Variants in STK33 observed in about 807,000 individuals in gnomAD.
The protein encoded by STK33 is serine/threonine kinase 33.
STK33 carries 52 observed loss-of-function variants against 58.0 expected under a neutral mutation model. The observed-to-expected ratio is 0.90, with a 90% CI of 0.72 to 1.13. STK33 has a LOEUF of 1.13. STK33 is among the 50% of genes most tolerant of loss of function. The pLI, the probability that STK33 is intolerant of heterozygous loss-of-function variation, is 0.00. For missense variants in STK33, 630 were observed against 604.2 expected (o/e 1.04, Z -0.45); for synonymous variants, 215 against 200.1 (o/e 1.07, Z -0.63).
chr11:8,402,305 G>C (rs1306552151), intron 15 of STK33, among the ~76,000 whole-genome samples: 6 of 152,200 alleles, frequency 3.9e-5, no homozygotes, highest in Non-Finnish European at 8.8e-5. Flanking sequence ...ATGAGTTCAT[G>C]TCCTTTGTAG....
At chr11:8,413,190 C>T (rs757324554) in intron 15 of STK33, among the ~76,000 whole-genome samples, 3 of 152,128 alleles carry the variant, frequency 2.0e-5, no homozygotes, top group East Asian at 1.9e-4. Flanking sequence ...CACGCTACAA[C>T]GTCAGAGATG....
chr11:8,558,190 TTAAC>T (rs1015015929), intron 1 of STK33, among the ~76,000 whole-genome samples: 11 of 152,202 alleles, frequency 7.2e-5, no homozygotes, highest in Admixed American at 2.6e-4. Context: ...AGGGAGCTGT[TTAAC>T]TATTGCAAAT....
chr11:8,503,270 T>C (rs1399155429), intron 1 of STK33, among the ~76,000 whole-genome samples: 1 of 152,148 alleles, frequency 6.6e-6, no homozygotes, highest in Non-Finnish European at 1.5e-5. Context: ...ACATACACCA[T>C]GGAATACTAC....
intron 1 of STK33, among the ~76,000 whole-genome samples, chr11:8,483,431 A>G (rs993728558): frequency 1.3e-5 from 2 of 152,202 alleles, no homozygotes; most frequent in African/African-American, 4.8e-5. Context: ...GAATAGGCAC[A>G]AAAGATGGAT....
At chr11:8,542,546 A>G in intron 1 of STK33, among the ~76,000 whole-genome samples, 2 of 152,290 alleles carry the variant, frequency 1.3e-5, no homozygotes, top group South Asian at 4.1e-4. Flanking sequence ...GCTGCAAAAC[A>G]TCCAAAATGC....
At chr11:8,500,583 C>G (rs1356111963) in intron 1 of STK33, among the ~76,000 whole-genome samples, 1 of 152,160 alleles carries the variant, frequency 6.6e-6, no homozygotes, top group Non-Finnish European at 1.5e-5. Context: ...TACATTTTGT[C>G]TTCATGTATT....
chr11:8,441,794 TC>T (rs1944778575), intron 11 of STK33, among the ~76,000 whole-genome samples: 1 of 152,206 alleles, frequency 6.6e-6, no homozygotes, highest in Non-Finnish European at 1.5e-5. Context: ...TGTATATATT[TC>T]AATAGAACTT....
chr11:8,340,541 T>G, the STK33 span, among the ~76,000 whole-genome samples: 2 of 152,192 alleles, frequency 1.3e-5, no homozygotes, highest in African/African-American at 4.8e-5. Context: ...CCTCTTCCCT[T>G]TTTTTCCAGC....
intron 7 of STK33, 51 bp downstream of exon 7, chr11:8,464,658 C>T (rs773159185): frequency 3.7e-6 from 5 of 1,355,102 alleles, no homozygotes; most frequent in Non-Finnish European, 5.3e-6. Flanking sequence ...TGTCCACACC[C>T]ACCCTGCACT....
intron 1 of STK33, among the ~76,000 whole-genome samples, chr11:8,521,197 C>A (rs1953397137): frequency 6.6e-6 from 1 of 152,060 alleles, no homozygotes; most frequent in African/African-American, 2.4e-5. Flanking sequence ...AAGAACAAAG[C>A]TGGAGGCATC....
chr11:8,349,025 C>G, the STK33 span, among the ~76,000 whole-genome samples: 3 of 152,218 alleles, frequency 2.0e-5, no homozygotes, highest in African/African-American at 7.2e-5. Flanking sequence ...AGGCTGGCTC[C>G]GTGCCCAGCT....
Position 8,435,484 on chromosome 11 carries a change from T to C in STK33, c.1146+10A>G. On this transcript the variant is annotated intron_variant, in intron 14 of 15. Transcript: ENST00000687296. ...CATGTCAGAAAGAAAAAAGTAATAT[T>C]GTAACTTACTGTTAACCACTGGTTA... The C allele has an allele frequency of 4.4e-6, 6 of 1,379,000 alleles. No individual in the cohort carries two copies. Among genetic ancestry groups the C allele is most frequent in the Non-Finnish European group, 4.8e-6 (5 of 1,039,138 alleles). 85.4% of individuals were successfully genotyped at this position (1,379,000 alleles called of 1,614,324 possible). A position where few individuals can be genotyped will look rare whatever the true frequency, so the allele number is the denominator to read the frequency against.
chr11:8,346,885 G>A, the STK33 span, among the ~76,000 whole-genome samples: 1 of 152,310 alleles, frequency 6.6e-6, no homozygotes, highest in South Asian at 2.1e-4. Flanking sequence ...ATTGAGTTTG[G>A]CAGGCACAAA....
At chr11:8,501,601 A>C (rs117468168) in intron 1 of STK33, among the ~76,000 whole-genome samples, 17 of 152,306 alleles carry the variant, frequency 1.1e-4, no homozygotes, top group Admixed American at 3.3e-4. Context: ...TGCTGGTGGG[A>C]ATGTAAAATG....
intron 10 of STK33, among the ~76,000 whole-genome samples, chr11:8,453,685 CA>C (rs1029095740): frequency 3.9e-5 from 6 of 152,210 alleles, no homozygotes; most frequent in African/African-American, 1.2e-4. Context: ...GGCAGAAAAA[CA>C]GACACATTTA....
At chr11:8,493,080 C>A (rs2138768529) in intron 1 of STK33, among the ~76,000 whole-genome samples, 1 of 151,934 alleles carries the variant, frequency 6.6e-6, no homozygotes, top group Non-Finnish European at 1.5e-5. Context: ...TAGCAGAAGG[C>A]AAGAAATAAC....
rs560643205 is a variant in STK33 at position 8,514,893 on chromosome 11, T to A, written c.-465-34279A>T. Reference sequence around the variant, plus strand: ...ACTGAGGCTCCAAACATTAAAGTTATCAGATAGAGACTCTAACTATCAAAG... The same window carrying A: ...ACTGAGGCTCCAAACATTAAAGTTAACAGATAGAGACTCTAACTATCAAAG... On this transcript the variant is annotated intron_variant, in intron 1 of 15. Coordinates refer to ENST00000687296, the MANE Select transcript of STK33 (RefSeq NM_001352389.2). 3.3e-5 allele frequency among the ~76,000 whole-genome samples: 5 copies of A among 152,256 alleles called. No homozygotes were observed. The South Asian group carries it at 1.0e-3, about 32-fold the overall frequency.
chr11:8,577,392 TAA>T (rs1958266201), intron 1 of STK33, among the ~76,000 whole-genome samples: 1 of 152,076 alleles, frequency 6.6e-6, no homozygotes, highest in East Asian at 1.9e-4. Context: ...CAAACAAAAC[TAA>T]GTCTTAACTC....
intron 1 of STK33, among the ~76,000 whole-genome samples, chr11:8,571,694 G>A (rs1158995807): frequency 2.6e-5 from 4 of 151,858 alleles, no homozygotes; most frequent in South Asian, 2.1e-4. Context: ...TTAGCCAGGC[G>A]TGGTGGCGGG....
Sources: gnomAD v4.1 joint callset for allele counts (sites outside exome capture counted in the v4.1 genomes callset) on GRCh38, gnomAD v4.1.1 for gene constraint, MANE v1.5 for transcripts, NCBI Gene and HGNC (gene_info 2026-07-23, HGNC 2026-07-21) for gene names.